The following FSTL5 variants were observed in gnomAD, a reference collection of about 807,000 sequenced individuals.
FSTL5 encodes follistatin like 5, also known as follistatin-related protein 5.
FSTL5 carries 62 observed loss-of-function variants against 89.1 expected under a neutral mutation model. That is an observed-to-expected ratio of 0.70 (90% CI 0.57 to 0.86). The LOEUF is 0.86. Among genes scored for constraint, FSTL5 ranks in the 40% least tolerant of loss-of-function variants. The pLI, the probability that FSTL5 is intolerant of heterozygous loss-of-function variation, is 0.00. For missense variants in FSTL5, 1,057 were observed against 1,001.6 expected (o/e 1.06, Z -0.75); for synonymous variants, 383 against 346.2 (o/e 1.11, Z -1.18).
At chr4:162,064,173 T>C (rs997149876) in intron 2 of FSTL5, among the ~76,000 whole-genome samples, 20 of 152,008 alleles carry the variant, frequency 1.3e-4, no homozygotes, top group African/African-American at 4.6e-4. Flanking sequence ...TGCTCATCCT[T>C]AAAACCATTT....
chr4:161,757,100 G>T (rs545507133), intron 6 of FSTL5, among the ~76,000 whole-genome samples: 8 of 152,092 alleles, frequency 5.3e-5, no homozygotes, highest in African/African-American at 1.7e-4. Flanking sequence ...GTTGGGCCAG[G>T]TTTTTCTAAA....
chr4:161,585,358 G>A (rs1209632130), intron 8 of FSTL5, among the ~76,000 whole-genome samples: 1 of 152,098 alleles, frequency 6.6e-6, no homozygotes, highest in East Asian at 1.9e-4. Flanking sequence ...TTTTCAAAAT[G>A]CAAATTTCAA....
chr4:162,021,159 C>A (rs574559669), intron 3 of FSTL5, among the ~76,000 whole-genome samples: 1 of 152,128 alleles, frequency 6.6e-6, no homozygotes, highest in South Asian at 2.1e-4. Flanking sequence ...ACAGAACTTC[C>A]CATCTTGCAA....
rs569201783 is a variant in FSTL5, at chr4:161,596,671, G to A, written c.895-9096C>T. On this transcript the variant is annotated intron_variant, in intron 7 of 15. Coordinates refer to ENST00000306100, the MANE Select transcript of FSTL5 (RefSeq NM_020116.5). ...GGAACATTAATGAAAATCCCTACAA[G>A]TTCTAAATGGTTGTTGAGGATCACG... Among the ~76,000 whole-genome samples the A allele has an allele frequency of 5.3e-5, 8 of 152,164 alleles. No homozygotes were observed. The East Asian group carries it at 1.5e-3, about 29-fold the overall frequency.
intron 7 of FSTL5, among the ~76,000 whole-genome samples, chr4:161,625,356 C>T (rs369275200): frequency 6.6e-6 from 1 of 152,072 alleles, no homozygotes; most frequent in Admixed American, 6.5e-5. Context: ...TTTGATAAGT[C>T]TCACAATATC....
chr4:162,071,500 T>A (rs547358419), intron 2 of FSTL5, among the ~76,000 whole-genome samples: 1 of 151,720 alleles, frequency 6.6e-6, no homozygotes, highest in Non-Finnish European at 1.5e-5. Context: ...ATAACGGAAA[T>A]GTTATTAGAG....
At chr4:161,880,549 T>C (rs940334577) in intron 4 of FSTL5, among the ~76,000 whole-genome samples, 8 of 152,110 alleles carry the variant, frequency 5.3e-5, no homozygotes, top group African/African-American at 1.9e-4. Context: ...TCCAAGACAT[T>C]CACCTTGGAC....
chr4:161,968,543 A>T (rs1277873462), intron 3 of FSTL5, among the ~76,000 whole-genome samples: 1 of 152,122 alleles, frequency 6.6e-6, no homozygotes, highest in Non-Finnish European at 1.5e-5. Context: ...ACAGAACTCC[A>T]CCATTTAATA....
intron 2 of FSTL5, among the ~76,000 whole-genome samples, chr4:162,074,591 A>T (rs892745942): frequency 2.0e-5 from 3 of 151,750 alleles, no homozygotes; most frequent in African/African-American, 7.3e-5. Context: ...TTCCATCATC[A>T]TATGAACTTT....
At chr4:161,863,754 C>T (rs1163844733) in intron 4 of FSTL5, among the ~76,000 whole-genome samples, 2 of 152,124 alleles carry the variant, frequency 1.3e-5, no homozygotes, top group South Asian at 2.1e-4. Flanking sequence ...TTTCCCTTGA[C>T]GGCTACAGAC....
intron 4 of FSTL5, among the ~76,000 whole-genome samples, chr4:161,824,493 G>A (rs536385323): frequency 3.3e-5 from 5 of 152,056 alleles, no homozygotes; most frequent in African/African-American, 1.2e-4. Flanking sequence ...TTGGCTATGT[G>A]GGTTCTTTTT....
At chr4:161,499,838 A>G (rs1429385378) in intron 12 of FSTL5, among the ~76,000 whole-genome samples, 178 bp downstream of exon 12, 1 of 77,378 alleles carries the variant, frequency 1.3e-5, no homozygotes, top group Non-Finnish European at 4.0e-5. Context: ...AATACATAAT[A>G]TATTATTTTC....
chr4:161,651,617 T>C (rs912022038), intron 7 of FSTL5, among the ~76,000 whole-genome samples: 1 of 152,142 alleles, frequency 6.6e-6, no homozygotes. Context: ...CCTCATACAG[T>C]GTTAACAGAT....
At chr4:162,012,985 AC>A (rs1264862186) in intron 3 of FSTL5, among the ~76,000 whole-genome samples, 1 of 152,100 alleles carries the variant, frequency 6.6e-6, no homozygotes, top group Non-Finnish European at 1.5e-5. Flanking sequence ...GGAGTTCAAG[AC>A]CAGTCTGCAC....
At chr4:162,162,359 G>A (rs778592714) in intron 1 of FSTL5, among the ~76,000 whole-genome samples, 25 of 152,116 alleles carry the variant, frequency 1.6e-4, no homozygotes, top group African/African-American at 4.3e-4. Context: ...TATTAAGTAC[G>A]AAACAGCTTT....
rs144354482 is a variant in FSTL5 at position 161,654,497 on chromosome 4, T to G, written c.894+1831A>C. ...TATGTGCTCAATGTTCTTGGCATCT[T>G]AGAGAATTAAGCATTATTCTCCAGA... On this transcript the variant is annotated intron_variant, in intron 7 of 15. Coordinates refer to ENST00000306100, the MANE Select transcript of FSTL5 (RefSeq NM_020116.5). Among the ~76,000 whole-genome samples, 4 of 152,256 alleles carry G rather than the reference T, an allele frequency of 2.6e-5. No individual in the cohort carries two copies. The South Asian group carries it at 8.3e-4, about 32-fold the overall frequency.
intron 8 of FSTL5, among the ~76,000 whole-genome samples, chr4:161,574,748 T>C (rs768575784): frequency 4.6e-5 from 7 of 152,240 alleles, no homozygotes; most frequent in South Asian, 2.1e-4. Context: ...ACGTTTTTCA[T>C]TGATGGGCAT....
At chr4:162,043,955 C>CT (rs1738074293) in intron 2 of FSTL5, among the ~76,000 whole-genome samples, 1 of 152,192 alleles carries the variant, frequency 6.6e-6, no homozygotes, top group Admixed American at 6.5e-5. Flanking sequence ...TCTGCAGTTA[C>CT]TTCCTTCACT....
intron 6 of FSTL5, among the ~76,000 whole-genome samples, chr4:161,702,705 G>A (rs769855522): frequency 6.6e-6 from 1 of 152,084 alleles, no homozygotes; most frequent in Non-Finnish European, 1.5e-5. Flanking sequence ...ATGTCCCCCA[G>A]ATGCACTTTA....
Sources: gnomAD v4.1 joint callset for allele counts (sites outside exome capture counted in the v4.1 genomes callset) on GRCh38, gnomAD v4.1.1 for gene constraint, MANE v1.5 for transcripts, NCBI Gene and HGNC (gene_info 2026-07-23, HGNC 2026-07-21) for gene names.